SORCS3: variants seen among roughly 807,000 people sequenced by gnomAD.
SORCS3 encodes the protein sortilin related VPS10 domain containing receptor 3.
Under a neutral mutation model 146.3 loss-of-function variants are expected in SORCS3, and 57 were observed. The observed-to-expected ratio is 0.39, with a 90% CI of 0.31 to 0.49. The LOEUF (loss-of-function observed/expected upper bound fraction) is 0.49, where lower values mean the gene tolerates loss of function less well. Ranked by LOEUF, SORCS3 falls within the 20% of genes least tolerant of loss-of-function variation. The probability of loss-of-function intolerance (pLI) is 0.92; values close to 1 mark genes in which losing one functional copy is unlikely to be tolerated. For missense variants in SORCS3, 1,341 were observed against 1,575.5 expected, an observed-to-expected ratio of 0.85 and a Z score of 2.52; for synonymous variants, 653 against 618.5, an observed-to-expected ratio of 1.06 and a Z score of -0.83.
intron 1 of SORCS3, among the ~76,000 whole-genome samples, chr10:104,754,181 G>A (rs1353810028): frequency 1.3e-5 from 2 of 152,134 alleles, no homozygotes; most frequent in Non-Finnish European, 1.5e-5. Flanking sequence ...GACAGGGCTG[G>A]GATTTTATCC....
intron 1 of SORCS3, among the ~76,000 whole-genome samples, chr10:104,771,600 T>A (rs772459979): frequency 3.3e-5 from 5 of 152,120 alleles, no homozygotes; most frequent in Non-Finnish European, 5.9e-5. Context: ...GAGCATGAGA[T>A]GATGTTTGCA....
chr10:104,866,160 A>G (rs1160392631), intron 2 of SORCS3, among the ~76,000 whole-genome samples: 1 of 152,210 alleles, frequency 6.6e-6, no homozygotes, highest in Non-Finnish European at 1.5e-5. Flanking sequence ...TTTCATGTTC[A>G]GGTACTTGAG....
chr10:104,905,421 A>C (rs1002279187), intron 2 of SORCS3, among the ~76,000 whole-genome samples: 2 of 152,152 alleles, frequency 1.3e-5, no homozygotes, highest in African/African-American at 4.8e-5. Flanking sequence ...CAACTGGTAA[A>C]ACTGGTCCAG....
At chr10:105,018,207 G>T (rs1232799172) in intron 4 of SORCS3, among the ~76,000 whole-genome samples, 1 of 152,198 alleles carries the variant, frequency 6.6e-6, no homozygotes, top group Non-Finnish European at 1.5e-5. Flanking sequence ...TTTGTTCTCA[G>T]GCGACGTTCC....
At chr10:104,667,190 C>T (rs1299074720) in intron 1 of SORCS3, among the ~76,000 whole-genome samples, 3 of 152,164 alleles carry the variant, frequency 2.0e-5, no homozygotes, top group Admixed American at 2.0e-4. Flanking sequence ...AGGCTCTGAA[C>T]CTAGTTGGTA....
At chr10:105,187,359 T>A (rs971483633) in intron 14 of SORCS3, among the ~76,000 whole-genome samples, 11 of 152,192 alleles carry the variant, frequency 7.2e-5, no homozygotes, top group African/African-American at 2.7e-4. Flanking sequence ...AAGGTCTAGT[T>A]CATGTCTGGC....
At chr10:105,118,589 A>G (rs553840187) in intron 7 of SORCS3, among the ~76,000 whole-genome samples, 12 of 152,268 alleles carry the variant, frequency 7.9e-5, no homozygotes, top group Admixed American at 2.6e-4. Flanking sequence ...GAAGACGTGG[A>G]AAAGTTTTGA....
At chr10:104,750,168 T>C (rs1213049116) in intron 1 of SORCS3, among the ~76,000 whole-genome samples, 4 of 152,108 alleles carry the variant, frequency 2.6e-5, no homozygotes, top group African/African-American at 7.2e-5. Context: ...GGAAAGATTA[T>C]AGAAGGGGCT....
intron 4 of SORCS3, among the ~76,000 whole-genome samples, chr10:105,006,391 C>T (rs757145767): frequency 6.6e-6 from 1 of 152,162 alleles, no homozygotes; most frequent in Non-Finnish European, 1.5e-5. Flanking sequence ...CTCCTCTACT[C>T]ACTTCTGGTT....
chr10:105,048,308 G>A (rs7067596), intron 5 of SORCS3, among the ~76,000 whole-genome samples: 8,449 of 146,224 alleles, frequency 0.058, 743 homozygotes, highest in African/African-American at 0.19. Flanking sequence ...GGATAGACTG[G>A]ATTAAGAAAA....
At chr10:104,735,868 C>A (rs2016765439) in intron 1 of SORCS3, among the ~76,000 whole-genome samples, 1 of 152,152 alleles carries the variant, frequency 6.6e-6, no homozygotes, top group Non-Finnish European at 1.5e-5. Flanking sequence ...AATATAACCT[C>A]TTTCCCTCTA....
At chr10:104,911,663 G>A (rs542666440) in intron 2 of SORCS3, among the ~76,000 whole-genome samples, 1 of 152,282 alleles carries the variant, frequency 6.6e-6, no homozygotes. Flanking sequence ...GATCCCATAA[G>A]GGACCTTAGG....
intron 20 of SORCS3, among the ~76,000 whole-genome samples, chr10:105,224,168 A>G (rs2056720680): frequency 6.6e-6 from 1 of 152,218 alleles, no homozygotes; most frequent in Admixed American, 6.5e-5. Context: ...ATGTATAATG[A>G]CATGAATCTA....
intron 4 of SORCS3, among the ~76,000 whole-genome samples, chr10:105,017,591 G>T (rs1357361257): frequency 6.6e-6 from 1 of 152,182 alleles, no homozygotes; most frequent in Non-Finnish European, 1.5e-5. Flanking sequence ...ATTGGAAATA[G>T]AATATGGAGA....
intron 8 of SORCS3, among the ~76,000 whole-genome samples, chr10:105,146,259 G>C (rs1386255538): frequency 1.3e-5 from 2 of 152,064 alleles, no homozygotes. Context: ...TCTTTGTACA[G>C]TGCCTACCTA....
chr10:104,802,457 A>G (rs779442424), intron 1 of SORCS3, among the ~76,000 whole-genome samples: 15 of 152,224 alleles, frequency 9.9e-5, no homozygotes, highest in Non-Finnish European at 1.6e-4. Flanking sequence ...GTGCTAGGCT[A>G]TGATTTCCCC....
chr10:104,701,809 AT>A (rs58171644), intron 1 of SORCS3, among the ~76,000 whole-genome samples: 8 of 151,106 alleles, frequency 5.3e-5, no homozygotes, highest in African/African-American at 9.7e-5. Context: ...TTGTTTTGTG[AT>A]TTTTTTTTCG....
chr10:105,183,629 T>C (rs959985552), intron 14 of SORCS3, among the ~76,000 whole-genome samples: 1 of 152,174 alleles, frequency 6.6e-6, no homozygotes, highest in Non-Finnish European at 1.5e-5. Flanking sequence ...ATTCGAGTAA[T>C]CGGCAAATCC....
At chr10:104,957,248 G>A (rs972649010) in intron 3 of SORCS3, among the ~76,000 whole-genome samples, 3 of 152,020 alleles carry the variant, frequency 2.0e-5, no homozygotes, top group Admixed American at 6.6e-5. Context: ...AAAATGATTC[G>A]ATCTTAAAAA....
Sources: allele counts gnomAD v4.1 joint callset (sites outside exome capture counted in the v4.1 genomes callset), GRCh38; gene constraint gnomAD v4.1.1; transcripts MANE v1.5; gene names NCBI Gene and HGNC (gene_info 2026-07-23, HGNC 2026-07-21).